Variants in PCDH7 observed in about 807,000 individuals in gnomAD.
The protein encoded by PCDH7 is protocadherin-7.
Under a neutral mutation model 58.9 loss-of-function variants are expected in PCDH7, and 17 were observed. The ratio of observed to expected loss-of-function variants is 0.29; its 90% CI spans 0.20 to 0.43. The LOEUF (loss-of-function observed/expected upper bound fraction) is 0.43. Ranked by LOEUF, PCDH7 falls within the 20% of genes least tolerant of loss-of-function variation. PCDH7 has a pLI of 1.00. For missense variants in PCDH7, 1,274 were observed against 1,441.0 expected (o/e 0.88, Z 1.88); for synonymous variants, 664 against 616.4 (o/e 1.08, Z -1.14).
At chr4:30,788,439 T>G (rs1421186958) in intron 1 of PCDH7, among the ~76,000 whole-genome samples, 1 of 152,140 alleles carries the variant, frequency 6.6e-6, no homozygotes, top group Non-Finnish European at 1.5e-5. Flanking sequence ...GTACCCTATC[T>G]GTAATATTAC....
intron 1 of PCDH7, among the ~76,000 whole-genome samples, chr4:30,829,256 G>A (rs1247507259): frequency 1.3e-5 from 2 of 151,994 alleles, no homozygotes; most frequent in Non-Finnish European, 2.9e-5. Context: ...GGTTCTAGAT[G>A]TATAATTGAA....
intron 3 of PCDH7, among the ~76,000 whole-genome samples, chr4:30,984,745 C>G (rs535902941): frequency 6.6e-6 from 1 of 151,920 alleles, no homozygotes; most frequent in Non-Finnish European, 1.5e-5. Context: ...GAAGAGACCA[C>G]CATGGGCAAT....
chr4:30,858,139 G>T (rs1733727084), intron 1 of PCDH7, among the ~76,000 whole-genome samples: 1 of 152,098 alleles, frequency 6.6e-6, no homozygotes, highest in South Asian at 2.1e-4. Flanking sequence ...TACATCACCA[G>T]TAATGCTTCA....
chr4:31,001,532 A>G (rs1752365208), intron 3 of PCDH7, among the ~76,000 whole-genome samples: 1 of 152,078 alleles, frequency 6.6e-6, no homozygotes, highest in African/African-American at 2.4e-5. Context: ...AATGTGTTTG[A>G]TGACCATCAT....
intron 3 of PCDH7, among the ~76,000 whole-genome samples, chr4:30,997,081 CTTT>C (rs34696642): frequency 6.9e-6 from 1 of 145,888 alleles, no homozygotes; most frequent in Admixed American, 6.8e-5. Flanking sequence ...TCCTTCTTTT[CTTT>C]TTTTTTTTTG....
chr4:30,765,125 CTTTT>C (rs10692198), intron 1 of PCDH7, among the ~76,000 whole-genome samples: 39 of 49,212 alleles, frequency 7.9e-4, no homozygotes, highest in Admixed American at 1.4e-3. Flanking sequence ...ACTTCAGATG[CTTTT>C]TTTTTTTTTT....
intron 3 of PCDH7, among the ~76,000 whole-genome samples, chr4:30,990,243 T>G: frequency 6.6e-6 from 1 of 151,904 alleles, no homozygotes; most frequent in East Asian, 1.9e-4. Flanking sequence ...TCAAAGAAAT[T>G]GAACAATGTG....
intron 1 of PCDH7, among the ~76,000 whole-genome samples, chr4:30,816,534 T>C (rs538947571): frequency 6.1e-4 from 92 of 150,682 alleles, no homozygotes; most frequent in Non-Finnish European, 1.1e-3. Flanking sequence ...AATAAGGTGA[T>C]ATTTTGGAAT....
At chr4:31,071,436 G>A (rs997126791) in intron 3 of PCDH7, among the ~76,000 whole-genome samples, 1 of 151,914 alleles carries the variant, frequency 6.6e-6, no homozygotes, top group African/African-American at 2.4e-5. Flanking sequence ...TTTTTTTGCA[G>A]GAGAGGGGGC....
intron 1 of PCDH7, among the ~76,000 whole-genome samples, chr4:30,766,066 G>C (rs1298339013): frequency 2.0e-5 from 3 of 151,506 alleles, no homozygotes; most frequent in African/African-American, 7.3e-5. Flanking sequence ...CACAGGAAAA[G>C]TGGCTGGGGA....
intron 3 of PCDH7, among the ~76,000 whole-genome samples, chr4:30,970,296 C>CTT (rs144330919): frequency 9.6e-5 from 14 of 145,994 alleles, no homozygotes; most frequent in Non-Finnish European, 1.5e-4. Flanking sequence ...TGAATGATAC[C>CTT]TTTTTTTTTT....
downstream of PCDH7, chr4:31,144,067 C>A (rs925224434): frequency 6.6e-6 from 1 of 152,186 alleles, no homozygotes; most frequent in Non-Finnish European, 1.5e-5. Context: ...AGAATCCAGG[C>A]TATGCTTGCT....
chr4:31,103,891 A>C (rs1162699829), intron 3 of PCDH7, among the ~76,000 whole-genome samples: 4 of 152,204 alleles, frequency 2.6e-5, no homozygotes, highest in Admixed American at 2.6e-4. Context: ...TTCAAACCTT[A>C]TTTCCCCCAT....
At chr4:30,824,083 CTTTCTT>C (rs1560407494) in intron 1 of PCDH7, among the ~76,000 whole-genome samples, 74 of 10,856 alleles carry the variant, frequency 6.8e-3, no homozygotes, top group African/African-American at 0.03. Flanking sequence ...GGTTTCTTTT[CTTTCTT>C]TCTTTCTTTC....
At chr4:30,789,186 A>G (rs151216168) in intron 1 of PCDH7, among the ~76,000 whole-genome samples, 193 of 152,264 alleles carry the variant, frequency 1.3e-3, no homozygotes, top group South Asian at 3.9e-3. Flanking sequence ...AAATCACTCA[A>G]TTTGTAACAG....
chr4:31,118,001 A>G (rs559208626), intron 3 of PCDH7, among the ~76,000 whole-genome samples: 36 of 152,314 alleles, frequency 2.4e-4, no homozygotes, highest in Admixed American at 2.1e-3. Flanking sequence ...GCTTTCTAAC[A>G]TGGATTAAAG....
At chr4:31,020,242 C>G (rs778489009) in intron 3 of PCDH7, among the ~76,000 whole-genome samples, 1 of 152,188 alleles carries the variant, frequency 6.6e-6, no homozygotes, top group Non-Finnish European at 1.5e-5. Context: ...AATGGAATCT[C>G]TTAGTGAGAA....
At chr4:30,952,627 A>G (rs957350435) in intron 3 of PCDH7, among the ~76,000 whole-genome samples, 1 of 152,164 alleles carries the variant, frequency 6.6e-6, no homozygotes, top group Non-Finnish European at 1.5e-5. Context: ...CAATGCAGGT[A>G]GAGAAAAAGA....
At chr4:30,733,876 G>A (rs903791684), downstream of PCDH7, among the ~76,000 whole-genome samples, 8 of 152,118 alleles carry the variant, frequency 5.3e-5, no homozygotes, top group African/African-American at 1.9e-4. Flanking sequence ...CTTAAAACAG[G>A]TCCAGTTTTT....
Sources: gnomAD v4.1 joint callset for allele counts (sites outside exome capture counted in the v4.1 genomes callset) on GRCh38, gnomAD v4.1.1 for gene constraint, MANE v1.5 for transcripts, NCBI Gene and HGNC (gene_info 2026-07-23, HGNC 2026-07-21) for gene names.